The following SORBS2 variants were observed in gnomAD, a reference collection of about 807,000 sequenced individuals.
SORBS2 encodes the protein sorbin and SH3 domain-containing protein 2.
Under a neutral mutation model 97.7 loss-of-function variants are expected in SORBS2, and 46 were observed. The observed-to-expected ratio is 0.47, with a 90% CI of 0.37 to 0.60. The LOEUF is 0.60. Among genes scored for constraint, SORBS2 ranks in the 20% least tolerant of loss-of-function variants. SORBS2 has a pLI of 0.00. For missense variants in SORBS2, 1,316 were observed against 1,282.3 expected, an observed-to-expected ratio of 1.03 and a Z score of -0.40; for synonymous variants, 476 against 473.4, an observed-to-expected ratio of 1.01 and a Z score of -0.07.
chr4:185,912,018 G>C (rs4241812), intron 1 of SORBS2, among the ~76,000 whole-genome samples: 88,666 of 152,022 alleles, frequency 0.58, 26,326 homozygotes, highest in East Asian at 0.74. Context: ...CAATTGAAAA[G>C]TGACTCAGAA....
At chr4:185,604,900 CAA>C (rs1234906887) in intron 12 of SORBS2, among the ~76,000 whole-genome samples, 26 of 13,232 alleles carry the variant, frequency 2.0e-3, no homozygotes, top group African/African-American at 2.6e-3. Context: ...CAGCGTGTCA[CAA>C]AGCTGGGGAA....
At chr4:185,690,987 C>T (rs2098083152) in intron 2 of SORBS2, among the ~76,000 whole-genome samples, 1 of 152,018 alleles carries the variant, frequency 6.6e-6, no homozygotes, top group African/African-American at 2.4e-5. Flanking sequence ...GCAATCTCTG[C>T]CTCCTGGGTT....
intron 12 of SORBS2, among the ~76,000 whole-genome samples, chr4:185,604,328 C>T (rs1054234088): frequency 6.6e-6 from 1 of 152,148 alleles, no homozygotes; most frequent in Admixed American, 6.5e-5. Context: ...ATAAACCACA[C>T]TCAAGATGCA....
chr4:185,771,527 G>A (rs1195606578), intron 2 of SORBS2: 1 of 152,334 alleles, frequency 6.6e-6, no homozygotes, highest in East Asian at 1.9e-4. Context: ...CTAAAAAGCA[G>A]CTTCTACATA....
chr4:185,767,404 G>T (rs1169545311), intron 2 of SORBS2, among the ~76,000 whole-genome samples: 1 of 140,768 alleles, frequency 7.1e-6, no homozygotes, highest in Non-Finnish European at 1.6e-5. Context: ...GGAGGCTGAG[G>T]CAGGGGAATG....
At chr4:185,769,909 C>T (rs1261402991) in intron 2 of SORBS2, among the ~76,000 whole-genome samples, 1 of 152,176 alleles carries the variant, frequency 6.6e-6, no homozygotes, top group African/African-American at 2.4e-5. Flanking sequence ...TGTTAGACAA[C>T]AGCAGCAACA....
chr4:185,655,124 G>T (rs191790338), intron 1 of SORBS2, among the ~76,000 whole-genome samples: 2 of 152,184 alleles, frequency 1.3e-5, no homozygotes, highest in African/African-American at 2.4e-5. Flanking sequence ...GCACTGAAAG[G>T]TTCACATAGA....
chr4:185,654,103 A>AG (rs2097357064), intron 1 of SORBS2, among the ~76,000 whole-genome samples: 1 of 152,168 alleles, frequency 6.6e-6, no homozygotes, highest in South Asian at 2.1e-4. Context: ...CCCCAAATAC[A>AG]GGTTAACATG....
At chr4:185,627,666 T>C (rs1346923880) in intron 5 of SORBS2, among the ~76,000 whole-genome samples, 1 of 152,244 alleles carries the variant, frequency 6.6e-6, no homozygotes, top group Non-Finnish European at 1.5e-5. Context: ...TGATGAATCT[T>C]TCCTGATGCG....
In SORBS2 at chr4:185,638,305, C is replaced by T. The variant is rs1329269139; in HGVS notation, c.397-7707G>A. The T allele has an allele frequency of 2.2e-5, 14 of 644,594 alleles. No homozygotes were observed. In the East Asian group the frequency reaches 3.1e-4, roughly 14 times the overall value. 39.9% of individuals were successfully genotyped at this position (644,594 alleles called of 1,614,324 possible). A position where few individuals can be genotyped will look rare whatever the true frequency, so the allele number is the denominator to read the frequency against. On this transcript the variant is annotated intron_variant, in intron 4 of 14. Transcript: ENST00000418609. ...CCCCACGAACCTCAGCAGGAGAGAA[C>T]GGAGGAAGTAAAGTAAAACGAGTAG...
intron 1 of SORBS2, among the ~76,000 whole-genome samples, chr4:185,884,925 C>A (rs1329470228): frequency 6.6e-6 from 1 of 152,188 alleles, no homozygotes; most frequent in Admixed American, 6.5e-5. Context: ...GATTTCCCTA[C>A]AGAAAGTCAG....
intron 2 of SORBS2, among the ~76,000 whole-genome samples, chr4:185,760,761 A>G (rs1010477777): frequency 3.3e-5 from 5 of 152,240 alleles, no homozygotes; most frequent in African/African-American, 1.2e-4. Flanking sequence ...GCAGTGCATT[A>G]AAAACACATT....
At chr4:185,765,140 A>G (rs1584410196) in intron 2 of SORBS2, among the ~76,000 whole-genome samples, 1 of 152,156 alleles carries the variant, frequency 6.6e-6, no homozygotes, top group Non-Finnish European at 1.5e-5. Context: ...AATGCCTTCA[A>G]TAAATAAATG....
At chr4:185,759,167 T>A (rs934336819) in intron 2 of SORBS2, among the ~76,000 whole-genome samples, 1 of 152,210 alleles carries the variant, frequency 6.6e-6, no homozygotes, top group Admixed American at 6.5e-5. Flanking sequence ...TTGCTAGGTT[T>A]AGAAATGAAG....
intron 2 of SORBS2, among the ~76,000 whole-genome samples, chr4:185,766,027 C>T (rs1055337783): frequency 5.3e-5 from 8 of 152,142 alleles, no homozygotes; most frequent in African/African-American, 1.7e-4. Context: ...AAGAAAACAT[C>T]GAATTTCTGC....
chr4:185,743,947 CCTCCTTCTTCTCCTT>C (rs2098743808), intron 2 of SORBS2, among the ~76,000 whole-genome samples: 1 of 147,684 alleles, frequency 6.8e-6, no homozygotes, highest in African/African-American at 2.5e-5. Context: ...TCTTTCTCCT[CCTCCTTCTTCTCCTT>C]CTCCTTCTTC....
chr4:185,799,735 G>C (rs778459683), intron 1 of SORBS2, among the ~76,000 whole-genome samples: 1 of 152,120 alleles, frequency 6.6e-6, no homozygotes. Flanking sequence ...CCTTCTTTGC[G>C]TCAGATGCAG....
intron 12 of SORBS2, among the ~76,000 whole-genome samples, chr4:185,602,504 AT>A (rs1188593665): frequency 3.3e-5 from 5 of 152,204 alleles, no homozygotes; most frequent in African/African-American, 1.2e-4. Flanking sequence ...GGAGATTGTC[AT>A]TGTCTTAGAA....
chr4:185,745,976 T>G (rs1195822236), intron 2 of SORBS2, among the ~76,000 whole-genome samples: 3 of 152,092 alleles, frequency 2.0e-5, no homozygotes, highest in Non-Finnish European at 4.4e-5. Context: ...AAGTCCTAAC[T>G]CTATCCTCCC....
Sources: gnomAD v4.1 joint callset for allele counts (sites outside exome capture counted in the v4.1 genomes callset) on GRCh38, gnomAD v4.1.1 for gene constraint, MANE v1.5 for transcripts, NCBI Gene and HGNC (gene_info 2026-07-23, HGNC 2026-07-21) for gene names.